Variants in CCBE1 observed in about 807,000 individuals in gnomAD.
CCBE1 encodes collagen and calcium-binding EGF domain-containing protein 1.
CCBE1 carries 37 observed loss-of-function variants against 50.0 expected under a neutral mutation model. The observed-to-expected ratio is 0.74, with a 90% CI of 0.57 to 0.97. The LOEUF (loss-of-function observed/expected upper bound fraction) is 0.97, where lower values mean the gene tolerates loss of function less well. Among genes scored for constraint, CCBE1 ranks in the 50% least tolerant of loss-of-function variants. The probability of loss-of-function intolerance (pLI) is 0.00; values close to 1 mark genes in which losing one functional copy is unlikely to be tolerated. For missense variants in CCBE1, 538 were observed against 523.8 expected (o/e 1.03, Z -0.26); for synonymous variants, 234 against 203.7 (o/e 1.15, Z -1.27).
intron 3 of CCBE1, among the ~76,000 whole-genome samples, chr18:59,476,969 C>T (rs1257933939): frequency 6.6e-6 from 1 of 152,212 alleles, no homozygotes; most frequent in Non-Finnish European, 1.5e-5. Flanking sequence ...AAAATTTTTG[C>T]TTCCTGTTCC....
chr18:59,541,332 A>G (rs1309001030), intron 2 of CCBE1, among the ~76,000 whole-genome samples: 1 of 152,222 alleles, frequency 6.6e-6, no homozygotes, highest in Non-Finnish European at 1.5e-5. Context: ...CAAACAGGAG[A>G]ATTTCAACAC....
chr18:59,590,488 ATT>A (rs534650318), intron 2 of CCBE1, among the ~76,000 whole-genome samples: 223 of 152,026 alleles, frequency 1.5e-3, no homozygotes, highest in Non-Finnish European at 2.4e-3. Flanking sequence ...AAAATATCAA[ATT>A]TTTGTTTTTT....
intron 2 of CCBE1, among the ~76,000 whole-genome samples, chr18:59,503,985 C>T (rs1913750645): frequency 6.6e-6 from 1 of 152,154 alleles, no homozygotes; most frequent in Admixed American, 6.5e-5. Flanking sequence ...CTGTGAACTC[C>T]TAGAAGGCAG....
In CCBE1 at chr18:59,432,981, A is replaced by G. The variant is rs1257373956; in HGVS notation, c.*2927T>C. 1 of 151,654 alleles carries G rather than the reference A, an allele frequency of 6.6e-6. No individual in the cohort carries two copies. The highest frequency in any genetic ancestry group is 1.5e-5 in the Non-Finnish European group (1 of 67,962). The allele number at this position is 151,654 out of a possible 1,614,324, so 9.4% of individuals were successfully genotyped here. On this transcript the variant is annotated 3_prime_UTR_variant, in exon 11 of 11. Coordinates refer to ENST00000439986, the MANE Select transcript of CCBE1 (RefSeq NM_133459.4). The stretch of plus-strand genomic sequence containing the variant: ...TTTTTTTTTAAACATTCATCCATCC[A>G]CACCCTTTAAATACCATGCTCCACA...
intron 9 of CCBE1, among the ~76,000 whole-genome samples, 167 bp from the exon 10 acceptor site, chr18:59,438,313 A>G (rs772180902): frequency 5.9e-5 from 9 of 152,256 alleles, no homozygotes; most frequent in Non-Finnish European, 1.0e-4. Flanking sequence ...TTATTTGAAC[A>G]GGACTGCTTG....
At chr18:59,444,710 C>T (rs574183224) in intron 7 of CCBE1, among the ~76,000 whole-genome samples, 44 of 151,802 alleles carry the variant, frequency 2.9e-4, no homozygotes, top group African/African-American at 1.0e-3. Flanking sequence ...CCCTATGTTT[C>T]CCAAGCTTGT....
At chr18:59,455,253 A>G (rs1911136521) in intron 5 of CCBE1, 1 of 466,800 alleles carries the variant, frequency 2.1e-6, no homozygotes, top group South Asian at 2.0e-5. Context: ...GCCTTTTATC[A>G]GTGCTTTTCC....
At chr18:59,488,318 C>G (rs777935292) in intron 2 of CCBE1, among the ~76,000 whole-genome samples, 6 of 152,060 alleles carry the variant, frequency 3.9e-5, no homozygotes, top group Non-Finnish European at 7.4e-5. Context: ...GAATTTTACA[C>G]CTAAAGTGGT....
intron 2 of CCBE1, among the ~76,000 whole-genome samples, chr18:59,588,299 T>C (rs1380355659): frequency 2.6e-5 from 4 of 152,182 alleles, no homozygotes; most frequent in African/African-American, 9.7e-5. Context: ...TGGTGGTGCA[T>C]GCCTGTAATC....
intron 2 of CCBE1, among the ~76,000 whole-genome samples, chr18:59,597,178 C>A (rs867302388): frequency 1.1e-4 from 16 of 152,296 alleles, no homozygotes; most frequent in Middle Eastern, 3.4e-3. Context: ...AATGAACAGA[C>A]AAGTTACACA....
chr18:59,509,980 C>T (rs931785641), intron 2 of CCBE1, among the ~76,000 whole-genome samples: 10 of 152,054 alleles, frequency 6.6e-5, no homozygotes, highest in Admixed American at 1.3e-4. Flanking sequence ...CTGCCAGAGG[C>T]GAGAAGCCAG....
chr18:59,495,167 CT>C (rs1338016324), intron 2 of CCBE1, among the ~76,000 whole-genome samples: 3 of 152,034 alleles, frequency 2.0e-5, no homozygotes, highest in South Asian at 2.1e-4. Flanking sequence ...GCTCATGTTT[CT>C]TTTTTTCCCC....
At chr18:59,556,737 C>T (rs142549814) in intron 2 of CCBE1, among the ~76,000 whole-genome samples, 1 of 152,216 alleles carries the variant, frequency 6.6e-6, no homozygotes, top group Admixed American at 6.5e-5. Flanking sequence ...CCAACCCACA[C>T]TGAGGTTTTT....
intron 5 of CCBE1, among the ~76,000 whole-genome samples, chr18:59,457,951 G>A (rs1911273234): frequency 6.6e-6 from 1 of 152,244 alleles, no homozygotes. Context: ...TGTGCTGACT[G>A]CAGGAAATGG....
chr18:59,679,807 A>C (rs1421563302), intron 2 of CCBE1, among the ~76,000 whole-genome samples: 2 of 152,156 alleles, frequency 1.3e-5, no homozygotes, highest in African/African-American at 4.8e-5. Flanking sequence ...TTTTAGGGAG[A>C]CATGAGACAT....
chr18:59,492,144 C>CAAAAAAAA (rs869190811), intron 2 of CCBE1, among the ~76,000 whole-genome samples: 5 of 78,426 alleles, frequency 6.4e-5, no homozygotes, highest in Admixed American at 1.5e-4. Context: ...GACTTTGTCT[C>CAAAAAAAA]AAAAAAAAAA....
chr18:59,529,292 G>A (rs1914954794), intron 2 of CCBE1, among the ~76,000 whole-genome samples: 1 of 152,008 alleles, frequency 6.6e-6, no homozygotes, highest in African/African-American at 2.4e-5. Context: ...ATTCCTCCCA[G>A]GTCCAAACCA....
chr18:59,504,105 C>G (rs1311251128), intron 2 of CCBE1, among the ~76,000 whole-genome samples: 1 of 152,138 alleles, frequency 6.6e-6, no homozygotes, highest in African/African-American at 2.4e-5. Flanking sequence ...AATCTCAAAA[C>G]TGGAGGAAAA....
At chr18:59,481,086 A>G (rs1912549189) in intron 2 of CCBE1, among the ~76,000 whole-genome samples, 2 of 152,356 alleles carry the variant, frequency 1.3e-5, no homozygotes, top group Non-Finnish European at 2.9e-5. Context: ...TCAACTACAT[A>G]AAGGAAAATA....
Sources: gnomAD v4.1 joint callset for allele counts (sites outside exome capture counted in the v4.1 genomes callset) on GRCh38, gnomAD v4.1.1 for gene constraint, MANE v1.5 for transcripts, NCBI Gene and HGNC (gene_info 2026-07-23, HGNC 2026-07-21) for gene names.